EYS: variants seen among roughly 807,000 people sequenced by gnomAD.
EYS encodes EGF-like photoreceptor maintenance factor.
EYS carries 250 observed loss-of-function variants against 282.1 expected under a neutral mutation model. The ratio of observed to expected loss-of-function variants is 0.89; its 90% confidence interval spans 0.80 to 0.98. EYS has a LOEUF of 0.98. Among genes scored for constraint, EYS ranks in the 50% least tolerant of loss-of-function variants. EYS has a pLI of 0.00. For synonymous variants in EYS, 1,355 were observed against 1,282.9 expected, an observed-to-expected ratio of 1.06 and a Z score of -1.20; for missense variants, 4,016 against 3,709.0, an observed-to-expected ratio of 1.08 and a Z score of -2.15.
chr6:64,352,522 G>C (rs1472714955), intron 29 of EYS, among the ~76,000 whole-genome samples: 1 of 151,412 alleles, frequency 6.6e-6, no homozygotes, highest in Non-Finnish European at 1.5e-5. Flanking sequence ...TGAAACCCTT[G>C]TCCAAGTCAC....
In EYS at chr6:65,306,623, A is replaced by T. The variant is rs531910214; in HGVS notation, c.1767-10504T>A. Among the ~76,000 whole-genome samples, 10 of 151,584 alleles carry T rather than the reference A, an allele frequency of 6.6e-5. No individual in the cohort carries two copies. In the East Asian group the frequency reaches 1.6e-3, roughly 24 times the overall value. ...AACCATTTGCCCTTACAGAAAGAGAAATACTTGTTTGTGTTTTAAATAAAA... is the reference window on the plus strand; with the variant it reads ...AACCATTTGCCCTTACAGAAAGAGATATACTTGTTTGTGTTTTAAATAAAA... On this transcript the variant is annotated intron_variant, in intron 11 of 42. Coordinates refer to ENST00000503581, the MANE Select transcript of EYS (RefSeq NM_001142800.2).
At chr6:64,621,824 TC>T (rs1276109168) in intron 23 of EYS, among the ~76,000 whole-genome samples, 3 of 152,168 alleles carry the variant, frequency 2.0e-5, no homozygotes, top group African/African-American at 7.2e-5. Flanking sequence ...ACAGTGACTG[TC>T]CCAGGGATTG....
At chr6:65,374,931 G>T (rs555948838) in intron 8 of EYS, among the ~76,000 whole-genome samples, 16 of 152,268 alleles carry the variant, frequency 1.1e-4, no homozygotes, top group African/African-American at 3.6e-4. Flanking sequence ...GAGAACCTGG[G>T]GGAAGGGCCG....
At chr6:65,244,576 G>A (rs1302868908) in intron 12 of EYS, among the ~76,000 whole-genome samples, 1 of 151,946 alleles carries the variant, frequency 6.6e-6, no homozygotes, top group Non-Finnish European at 1.5e-5. Flanking sequence ...GCAGTGGCGC[G>A]ATCTCTGCTG....
Position 64,822,798 on chromosome 6 carries a change from T to A in EYS, c.3017A>T (p.Asp1006Val). 1 of 1,549,656 alleles carries A rather than the reference T, an allele frequency of 6.5e-7. No homozygotes were observed. The highest frequency in any genetic ancestry group is 8.7e-7 in the Non-Finnish European group (1 of 1,145,760). ...GAGACAGGGCTCTGATAGGCATTCATCTAGATTTATTTCACAGTTGATGCC... is the reference window on the plus strand; with the variant it reads ...GAGACAGGGCTCTGATAGGCATTCAACTAGATTTATTTCACAGTTGATGCC... ...YTGINCEINL[D>V]ECLSEPCLHD... The change falls in exon 20 of 43, where the codon GAT becomes GTT. Residue 1006 changes from aspartate to valine, a missense_variant. By Grantham distance (152) the Asp-to-Val change is radical. Coordinates refer to ENST00000503581, the MANE Select transcript of EYS (RefSeq NM_001142800.2).
chr6:65,538,495 T>C (rs1291217160), intron 2 of EYS, among the ~76,000 whole-genome samples: 1 of 152,134 alleles, frequency 6.6e-6, no homozygotes, highest in Admixed American at 6.5e-5. Flanking sequence ...CATTTAACCC[T>C]TAAAAATTGC....
intron 29 of EYS, among the ~76,000 whole-genome samples, chr6:64,355,336 A>G (rs1771788092): frequency 3.3e-5 from 5 of 151,524 alleles, no homozygotes; most frequent in Admixed American, 3.3e-4. Context: ...TAGTTTCCTC[A>G]TTAGTAAAAT....
chr6:64,677,419 C>A (rs1016583857), intron 22 of EYS, among the ~76,000 whole-genome samples: 27 of 152,078 alleles, frequency 1.8e-4, no homozygotes, highest in African/African-American at 6.3e-4. Context: ...ATATTTCTGC[C>A]AAATTGGAAA....
chr6:64,597,454 T>A (rs925253184), intron 24 of EYS, among the ~76,000 whole-genome samples: 3 of 152,172 alleles, frequency 2.0e-5, no homozygotes, highest in African/African-American at 7.2e-5. Context: ...AGCAAAGATG[T>A]GGAATCCACC....
At chr6:65,204,061 G>T (rs1219912193) in intron 12 of EYS, among the ~76,000 whole-genome samples, 1 of 151,996 alleles carries the variant, frequency 6.6e-6, no homozygotes, top group Non-Finnish European at 1.5e-5. Flanking sequence ...GAAAAATATG[G>T]GTTATGTAAA....
chr6:65,276,015 GA>G (rs1226605535), intron 12 of EYS, among the ~76,000 whole-genome samples: 5 of 150,444 alleles, frequency 3.3e-5, no homozygotes, highest in Admixed American at 1.3e-4. Context: ...AAACAAACAA[GA>G]AAACCTCATT....
At chr6:64,556,523 G>C (rs1342009611) in intron 26 of EYS, among the ~76,000 whole-genome samples, 1 of 151,896 alleles carries the variant, frequency 6.6e-6, no homozygotes, top group East Asian at 1.9e-4. Context: ...AACTTTTTCA[G>C]AAAATGGACA....
chr6:64,733,276 A>C (rs1772036034), intron 22 of EYS: 1 of 156,838 alleles, frequency 6.4e-6, no homozygotes, highest in Non-Finnish European at 1.4e-5. Flanking sequence ...GCTGCTTCTC[A>C]AAGCACCTCC....
intron 30 of EYS, among the ~76,000 whole-genome samples, chr6:64,304,151 C>G (rs1769349658): frequency 6.6e-6 from 1 of 152,188 alleles, no homozygotes; most frequent in African/African-American, 2.4e-5. Context: ...GCTGCAGACT[C>G]TGACAGCAGA....
chr6:64,933,291 G>C (rs1175402688), intron 15 of EYS, among the ~76,000 whole-genome samples: 1 of 151,770 alleles, frequency 6.6e-6, no homozygotes, highest in Non-Finnish European at 1.5e-5. Flanking sequence ...AAATGTAAAA[G>C]AGAAAAACAA....
At chr6:64,174,061 G>A (rs142970058) in intron 31 of EYS, among the ~76,000 whole-genome samples, 1 of 152,250 alleles carries the variant, frequency 6.6e-6, no homozygotes, top group Admixed American at 6.5e-5. Flanking sequence ...AGTGAGATAA[G>A]CCAGTCACAG....
intron 24 of EYS, among the ~76,000 whole-genome samples, chr6:64,597,162 G>GA (rs1766611506): frequency 6.6e-6 from 1 of 152,118 alleles, no homozygotes; most frequent in Non-Finnish European, 1.5e-5. Context: ...AAACTGCAAT[G>GA]AGATATTATC....
intron 32 of EYS, among the ~76,000 whole-genome samples, chr6:64,074,346 A>G (rs1306426067): frequency 6.6e-6 from 1 of 151,102 alleles, no homozygotes; most frequent in Admixed American, 6.6e-5. Context: ...TAGTCTTATA[A>G]AAAGAAATAA....
chr6:64,633,270 G>C (rs1044205050), intron 22 of EYS, among the ~76,000 whole-genome samples: 3 of 152,064 alleles, frequency 2.0e-5, no homozygotes, highest in Admixed American at 1.3e-4. Context: ...AGGTAAAAAG[G>C]ACATTAACTA....
Sources: gnomAD v4.1 joint callset for allele counts (sites outside exome capture counted in the v4.1 genomes callset) on GRCh38, gnomAD v4.1.1 for gene constraint, MANE v1.5 for transcripts, NCBI Gene and HGNC (gene_info 2026-07-23, HGNC 2026-07-21) for gene names.